FAM135A: variants seen among roughly 807,000 people sequenced by gnomAD.
FAM135A encodes protein FAM135A.
A neutral mutation model predicts 146.8 loss-of-function variants in FAM135A; 79 were observed. The ratio of observed to expected loss-of-function variants is 0.54; its 90% CI spans 0.45 to 0.65. The LOEUF is 0.65. Ranked by LOEUF, FAM135A falls within the 30% of genes least tolerant of loss-of-function variation. The pLI, the probability that FAM135A is intolerant of heterozygous loss-of-function variation, is 0.00. For missense variants in FAM135A, 1,623 were observed against 1,758.2 expected (o/e 0.92, Z 1.38); for synonymous variants, 562 against 603.6 (o/e 0.93, Z 1.01).
intron 5 of FAM135A, among the ~76,000 whole-genome samples, chr6:70,454,061 C>G (rs1777718734): frequency 6.6e-6 from 1 of 152,212 alleles, no homozygotes; most frequent in African/African-American, 2.4e-5. Context: ...TTCTCCACAT[C>G]CTCTCTAGCA....
chr6:70,435,817 T>C (rs1449930465), intron 4 of FAM135A, among the ~76,000 whole-genome samples: 1 of 152,258 alleles, frequency 6.6e-6, no homozygotes, highest in East Asian at 1.9e-4. Context: ...AATTTTGTTT[T>C]ATTGACATTG....
At chr6:70,540,162 T>C (rs1203487215) in intron 20 of FAM135A, among the ~76,000 whole-genome samples, 1 of 152,148 alleles carries the variant, frequency 6.6e-6, no homozygotes, top group Non-Finnish European at 1.5e-5. Flanking sequence ...AACTCCAGTG[T>C]CCCTTCATTC....
chr6:70,424,515 C>T (rs1370884993), intron 2 of FAM135A, among the ~76,000 whole-genome samples: 3 of 152,166 alleles, frequency 2.0e-5, no homozygotes, highest in Non-Finnish European at 4.4e-5. Flanking sequence ...TTAATGGTCA[C>T]TGTCTTAAAA....
rs1472441942 is a variant in FAM135A at position 70,414,523 on chromosome 6, C to T, written c.-219-768C>T. Among the ~76,000 whole-genome samples, 4 of 151,908 alleles carry T rather than the reference C, an allele frequency of 2.6e-5. No individual in the cohort carries two copies. The East Asian group carries it at 5.8e-4, about 22-fold the overall frequency. On this transcript the variant is annotated intron_variant, in intron 1 of 21. Transcript: ENST00000418814. ...CCAAAACTCTTCCACCCTCCCCCCC[C>T]CATTTGTATAAGTCAAGCCTCTTAA...
rs902762131 is a variant in FAM135A at position 70,528,127 on chromosome 6, A to G, written c.3615-165A>G. 3.3e-5 allele frequency among the ~76,000 whole-genome samples: 5 copies of G among 152,084 alleles called. No individual in the cohort carries two copies. In the East Asian group the frequency reaches 9.6e-4, roughly 29 times the overall value. ...AGAATATGTACTACAAATAATAAAG[A>G]AAATTACTCTCTGATTTCTAAATCA... On this transcript the variant is annotated intron_variant, in intron 15 of 21. Coordinates refer to ENST00000418814, the MANE Select transcript of FAM135A (RefSeq NM_001162529.3).
chr6:70,495,858 A>G lies in FAM135A; in HGVS notation c.873+4775A>G, dbSNP rs1013346796. 2.6e-5 allele frequency among the ~76,000 whole-genome samples: 4 copies of G among 151,674 alleles called. No homozygotes were observed. In the East Asian group the frequency reaches 5.8e-4, roughly 22 times the overall value. ...TGTGTCCATGTGTTCTCATTGTTCA[A>G]CTCCCACTTATGAGTGAGAACATGC... On this transcript the variant is annotated intron_variant, in intron 11 of 21. Coordinates refer to ENST00000418814, the MANE Select transcript of FAM135A (RefSeq NM_001162529.3).
intron 12 of FAM135A, among the ~76,000 whole-genome samples, chr6:70,508,240 C>A (rs1790234220): frequency 6.6e-6 from 1 of 152,150 alleles, no homozygotes; most frequent in Non-Finnish European, 1.5e-5. Flanking sequence ...CCAGGCTTTT[C>A]CCTAATACGA....
At chr6:70,454,046 C>A (rs1777712732) in intron 5 of FAM135A, among the ~76,000 whole-genome samples, 1 of 152,162 alleles carries the variant, frequency 6.6e-6, no homozygotes, top group African/African-American at 2.4e-5. Context: ...AAAAAGTGTT[C>A]CTGTTTCTCC....
At chr6:70,439,891 C>A (rs958004686) in intron 4 of FAM135A, among the ~76,000 whole-genome samples, 19 of 152,126 alleles carry the variant, frequency 1.2e-4, no homozygotes, top group African/African-American at 4.3e-4. Context: ...ACCTGTTGTT[C>A]CCCCCAGCTG....
intron 10 of FAM135A, among the ~76,000 whole-genome samples, chr6:70,490,014 C>CT (rs1785569050): frequency 6.6e-6 from 1 of 152,178 alleles, no homozygotes; most frequent in Non-Finnish European, 1.5e-5. Context: ...TCTCCCCACT[C>CT]TAACAATTAT....
chr6:70,523,341 A>G (rs1794007569), intron 13 of FAM135A, among the ~76,000 whole-genome samples: 1 of 152,148 alleles, frequency 6.6e-6, no homozygotes. Context: ...TGTAAATAAT[A>G]ATAGAGTATC....
At chr6:70,514,054 T>G (rs979531816) in intron 12 of FAM135A, among the ~76,000 whole-genome samples, 1 of 152,024 alleles carries the variant, frequency 6.6e-6, no homozygotes, top group Non-Finnish European at 1.5e-5. Context: ...GTTATTTTTA[T>G]CAGTTTTAAA....
chr6:70,556,101 T>C (rs1286886774), intron 20 of FAM135A, among the ~76,000 whole-genome samples: 1 of 151,790 alleles, frequency 6.6e-6, no homozygotes, highest in Non-Finnish European at 1.5e-5. Flanking sequence ...ATGCAAAAAT[T>C]AGCCAGGTGT....
At chr6:70,555,761 A>G (rs1225695659) in intron 20 of FAM135A, among the ~76,000 whole-genome samples, 2 of 152,108 alleles carry the variant, frequency 1.3e-5, no homozygotes, top group East Asian at 1.9e-4. Context: ...AATATTTTAT[A>G]CAATATTATT....
At chr6:70,531,987 A>T (rs1795911372) in intron 16 of FAM135A, among the ~76,000 whole-genome samples, 1 of 140,830 alleles carries the variant, frequency 7.1e-6, no homozygotes, top group Non-Finnish European at 1.5e-5. Context: ...GGTTCAGACC[A>T]TTCTCCTGCC....
At chr6:70,424,381 G>A (rs1008107952) in intron 2 of FAM135A, among the ~76,000 whole-genome samples, 2 of 152,186 alleles carry the variant, frequency 1.3e-5, no homozygotes, top group African/African-American at 2.4e-5. Context: ...AGTTCTCTGT[G>A]CCAGTAACTA....
intron 4 of FAM135A, among the ~76,000 whole-genome samples, chr6:70,435,583 A>G (rs1772909001): frequency 1.3e-5 from 2 of 151,710 alleles, no homozygotes; most frequent in Non-Finnish European, 2.9e-5. Flanking sequence ...GTAGTGATGC[A>G]ATGTCGGCTC....
chr6:70,554,453 A>G (rs980255820), intron 20 of FAM135A, among the ~76,000 whole-genome samples: 1 of 152,204 alleles, frequency 6.6e-6, no homozygotes, highest in African/African-American at 2.4e-5. Flanking sequence ...ACATGGAGTA[A>G]TTAGGAAGAA....
At position 70,481,988 on chromosome 6, in the gene FAM135A, G is replaced by T. The variant is rs1554283883; in HGVS notation, c.670-13G>T. The T allele has an allele frequency of 1.2e-6, 2 of 1,606,894 alleles. No individual in the cohort carries two copies. The highest frequency in any genetic ancestry group is 1.7e-6 in the Non-Finnish European group (2 of 1,176,516). ...TACTGACACTCTGTATCCTACATCT[G>T]TTTTTTGTTTAGGGTTGTAGCTTCA... On this transcript the variant is annotated splice_polypyrimidine_tract_variant and intron_variant, in intron 9 of 21. Coordinates refer to ENST00000418814, the MANE Select transcript of FAM135A (RefSeq NM_001162529.3).
Sources: gnomAD v4.1 joint callset for allele counts (sites outside exome capture counted in the v4.1 genomes callset) on GRCh38, gnomAD v4.1.1 for gene constraint, MANE v1.5 for transcripts, NCBI Gene and HGNC (gene_info 2026-07-23, HGNC 2026-07-21) for gene names.